Variants in ZNF676 observed in about 807,000 individuals in gnomAD.
The protein encoded by ZNF676 is zinc finger protein 676.
ZNF676 carries 4 observed loss-of-function variants against 6.0 expected under a neutral mutation model. That is an observed-to-expected ratio of 0.67 (90% CI 0.33 to 1.53). ZNF676 has a LOEUF of 1.53. ZNF676 is among the 40% of genes most tolerant of loss of function. ZNF676 has a pLI of 0.06. For missense variants in ZNF676, 644 were observed against 679.7 expected, an observed-to-expected ratio of 0.95 and a Z score of 0.58; for synonymous variants, 198 against 223.1, an observed-to-expected ratio of 0.89 and a Z score of 1.00.
rs144833243 is a variant in ZNF676, at chr19:22,184,826, G to GAAAAAAA, written c.131-3247_131-3241dup. On this transcript the variant is annotated intron_variant, in intron 2 of 2. Coordinates refer to ENST00000397121, the MANE Select transcript of ZNF676 (RefSeq NM_001001411.3). ...CCTCCTCTTTGGGCAGGGCATCTTT[G>GAAAAAAA]AAAAAAAAAAAAAAAAAAAAAAAAA... Among the ~76,000 whole-genome samples the GAAAAAAA allele has an allele frequency of 9.6e-3, 507 of 52,676 alleles. 24 individuals are homozygous for GAAAAAAA. The highest frequency in any genetic ancestry group is 0.039 in the African/African-American group (489 of 12,558). 34.6% of individuals were successfully genotyped at this position (52,676 alleles called of 152,430 possible).
chr19:22,248,451 G>A, the ZNF676 span, among the ~76,000 whole-genome samples: 4 of 152,132 alleles, frequency 2.6e-5, no homozygotes, highest in South Asian at 2.1e-4. Flanking sequence ...AAACCTGCAC[G>A]TTGTGCACAT....
chr19:22,193,967 C>A (rs970738195), intron 1 of ZNF676, among the ~76,000 whole-genome samples: 1 of 152,180 alleles, frequency 6.6e-6, no homozygotes, highest in African/African-American at 2.4e-5. Flanking sequence ...GCTTATCCGC[C>A]AGTGCATACC....
At chr19:22,238,301 C>T in the ZNF676 span, among the ~76,000 whole-genome samples, 1 of 152,152 alleles carries the variant, frequency 6.6e-6, no homozygotes, top group African/African-American at 2.4e-5. Context: ...CCACCTGCCT[C>T]AGCACCCCCA....
the ZNF676 span, among the ~76,000 whole-genome samples, chr19:22,255,024 G>A: frequency 1.3e-5 from 2 of 152,188 alleles, no homozygotes; most frequent in East Asian, 1.9e-4. Context: ...TTCAAGGTAC[G>A]AGAGTCAATA....
chr19:22,199,338 T>A (rs1486689733), upstream of ZNF676, among the ~76,000 whole-genome samples: 1 of 152,190 alleles, frequency 6.6e-6, no homozygotes, highest in Non-Finnish European at 1.5e-5. Context: ...TCATTCTTCA[T>A]CCTAAAGTAT....
chr19:22,217,692 C>CTGTTTGTTTGTTTGTT (rs112661841), upstream of ZNF676, among the ~76,000 whole-genome samples: 4 of 147,696 alleles, frequency 2.7e-5, no homozygotes, highest in Middle Eastern at 3.5e-3. Flanking sequence ...ATGGTCTTTT[C>CTGTTTGTTTGTTTGTT]TGTTTGTTTG....
At chr19:22,246,053 G>T in the ZNF676 span, among the ~76,000 whole-genome samples, 1,872 of 152,156 alleles carry the variant, frequency 0.012, 47 homozygotes, top group African/African-American at 0.043. Flanking sequence ...GCAGGGCCCA[G>T]GCAAACAAGG....
intron 2 of ZNF676, among the ~76,000 whole-genome samples, chr19:22,187,787 C>T (rs1161041144): frequency 6.6e-6 from 1 of 152,048 alleles, no homozygotes; most frequent in Non-Finnish European, 1.5e-5. Flanking sequence ...GAATAAATCC[C>T]AGGACACATA....
At chr19:22,233,031 A>C in the ZNF676 span, among the ~76,000 whole-genome samples, 1 of 152,226 alleles carries the variant, frequency 6.6e-6, no homozygotes, top group African/African-American at 2.4e-5. Flanking sequence ...CTGATTTTAA[A>C]ACTCATTACA....
At chr19:22,188,175 G>A (rs1260296287) in intron 2 of ZNF676, among the ~76,000 whole-genome samples, 2 of 151,940 alleles carry the variant, frequency 1.3e-5, no homozygotes, top group Non-Finnish European at 2.9e-5. Context: ...AGATCAAGTT[G>A]GCTTCATCCC....
intron 1 of ZNF676, among the ~76,000 whole-genome samples, chr19:22,207,845 G>C (rs1268191377): frequency 6.6e-6 from 1 of 152,112 alleles, no homozygotes; most frequent in Non-Finnish European, 1.5e-5. Context: ...AATGTGGGAA[G>C]AATTTCCTAT....
chr19:22,179,816 G>C lies in ZNF676; in HGVS notation c.*134C>G. The stretch of plus-strand genomic sequence containing the variant: ...TTCTCTCCAGCATGAATTTTCTTAT[G>C]TGTAATAAAGATTGAGGACTGTTTA... On this transcript the variant is annotated 3_prime_UTR_variant, in exon 3 of 3. Coordinates refer to ENST00000397121, the MANE Select transcript of ZNF676 (RefSeq NM_001001411.3). 3 of 1,041,064 alleles carry C rather than the reference G, an allele frequency of 2.9e-6. No homozygotes were observed. The highest frequency in any genetic ancestry group is 4.4e-6 in the Non-Finnish European group (3 of 681,918). The allele number at this position is 1,041,064 out of a possible 1,614,324, so 64.5% of individuals were successfully genotyped here. A position where few individuals can be genotyped will look rare whatever the true frequency, so the allele number is the denominator to read the frequency against.
chr19:22,233,899 C>G, the ZNF676 span, among the ~76,000 whole-genome samples: 13 of 152,364 alleles, frequency 8.5e-5, no homozygotes, highest in African/African-American at 3.1e-4. Context: ...TTAGCACTCA[C>G]ATGGGATACA....
At chr19:22,242,199 G>C in the ZNF676 span, among the ~76,000 whole-genome samples, 3 of 151,958 alleles carry the variant, frequency 2.0e-5, no homozygotes, top group Non-Finnish European at 4.4e-5. Context: ...CCATTTGTCA[G>C]TAGAGAGTGA....
chr19:22,183,493 A>G (rs1269462052), intron 2 of ZNF676, among the ~76,000 whole-genome samples: 1 of 152,130 alleles, frequency 6.6e-6, no homozygotes, highest in South Asian at 2.1e-4. Context: ...GTCTACCAAC[A>G]CTACCAGTTA....
the ZNF676 span, among the ~76,000 whole-genome samples, chr19:22,221,673 C>T: frequency 6.6e-6 from 1 of 151,912 alleles, no homozygotes; most frequent in African/African-American, 2.4e-5. Context: ...ATCCCTTGAA[C>T]TTGGGAGGCA....
chr19:22,184,614 ACTGGCTTGAAATT>A, intron 2 of ZNF676, among the ~76,000 whole-genome samples: 1 of 152,206 alleles, frequency 6.6e-6, no homozygotes, highest in South Asian at 2.1e-4. Flanking sequence ...ACTAGGACCC[ACTGGCTTGAAATT>A]CTGGCTGCAA....
At chr19:22,233,869 C>G in the ZNF676 span, among the ~76,000 whole-genome samples, 1 of 152,332 alleles carries the variant, frequency 6.6e-6, no homozygotes, top group South Asian at 2.1e-4. Flanking sequence ...AAATCCTCCT[C>G]TGCTGAGGTC....
At chr19:22,214,608 A>C (rs1349572178) in intron 1 of ZNF676, among the ~76,000 whole-genome samples, 1 of 151,522 alleles carries the variant, frequency 6.6e-6, no homozygotes, top group Non-Finnish European at 1.5e-5. Context: ...CAAAAAAAAA[A>C]AAAAAAAAAA....
Sources: allele counts gnomAD v4.1 joint callset (sites outside exome capture counted in the v4.1 genomes callset), GRCh38; gene constraint gnomAD v4.1.1; transcripts MANE v1.5; gene names NCBI Gene and HGNC (gene_info 2026-07-23, HGNC 2026-07-21).